CLIP1: variants seen among roughly 807,000 people sequenced by gnomAD.
CLIP1 encodes CAP-Gly domain containing linker protein 1.
In CLIP1, 66 loss-of-function variants were observed where a neutral mutation model predicts 161.6. The ratio of observed to expected loss-of-function variants is 0.41; its 90% CI spans 0.33 to 0.50. CLIP1 has a LOEUF of 0.50. CLIP1 is among the 20% of genes least tolerant of loss of function. CLIP1 has a pLI of 0.27. For missense variants in CLIP1, 1,376 were observed against 1,702.0 expected, an observed-to-expected ratio of 0.81 and a Z score of 3.37; for synonymous variants, 598 against 626.2, an observed-to-expected ratio of 0.96 and a Z score of 0.67.
At chr12:122,376,654 T>C (rs1954750642) in intron 3 of CLIP1, among the ~76,000 whole-genome samples, 1 of 151,356 alleles carries the variant, frequency 6.6e-6, no homozygotes, top group Non-Finnish European at 1.5e-5. Flanking sequence ...ATTTTTTTAG[T>C]AGAGATGGGG....
intron 20 of CLIP1, among the ~76,000 whole-genome samples, chr12:122,297,619 C>T (rs1021683350): frequency 6.6e-6 from 1 of 152,196 alleles, no homozygotes; most frequent in Non-Finnish European, 1.5e-5. Context: ...AATAGCAGCT[C>T]TACCTTGACA....
intron 17 of CLIP1, among the ~76,000 whole-genome samples, chr12:122,320,364 G>C (rs1194854764): frequency 1.3e-5 from 2 of 152,026 alleles, no homozygotes; most frequent in African/African-American, 4.8e-5. Flanking sequence ...GCTACTCAGG[G>C]AGCTGAGACG....
At chr12:122,382,526 G>A (rs1955055553) in intron 1 of CLIP1, among the ~76,000 whole-genome samples, 2 of 151,192 alleles carry the variant, frequency 1.3e-5, no homozygotes, top group South Asian at 2.1e-4. Flanking sequence ...AAAAAGATGA[G>A]AACACATAGA....
chr12:122,283,859 C>A (rs779499883), intron 21 of CLIP1, among the ~76,000 whole-genome samples: 3 of 152,136 alleles, frequency 2.0e-5, no homozygotes, highest in African/African-American at 7.2e-5. Context: ...TAACTATGTA[C>A]GTTTAATGAT....
intron 3 of CLIP1, among the ~76,000 whole-genome samples, chr12:122,374,792 A>C (rs969180249): frequency 2.6e-5 from 4 of 152,040 alleles, no homozygotes; most frequent in African/African-American, 4.8e-5. Flanking sequence ...GTTGAGAACA[A>C]GAAAATTCTA....
At position 122,334,069 on chromosome 12, in the gene CLIP1, T is replaced by G; in HGVS notation, c.2668A>C (p.Met890Leu). ...AGCTTCTCCAAGTCAGAAGACAGCA[T>G]GTTAAACTGTTCCTCCTTTTGGTGT... Reference protein sequence around the residue: ...KLHQKEEQFNMLSSDLEKLRE... With the variant: ...KLHQKEEQFNLLSSDLEKLRE... The change falls in exon 14 of 26, where the codon ATG (methionine) becomes CTG (leucine). Residue 890 changes from methionine (M) to leucine (L), a missense_variant. This residue lies in a region of CLIP1 where 948 missense variants were observed against 1,134.8 expected (regional missense o/e 0.84). Coordinates refer to ENST00000620786, the MANE Select transcript of CLIP1 (RefSeq NM_001247997.2). 8 of 1,613,326 alleles carry G rather than the reference T, an allele frequency of 5.0e-6. No individual in the cohort carries two copies. Among genetic ancestry groups the G allele is most frequent in the Non-Finnish European group, 5.9e-6 (7 of 1,179,228 alleles).
rs1951391257 is a variant in CLIP1, at chr12:122,319,320, T to C, written c.3278A>G (p.Gln1093Arg). The change falls in exon 18 of 26, where the codon CAG becomes CGG. Residue 1093 changes from glutamine (Q) to arginine (R), a missense_variant. By Grantham distance (43) the Gln-to-Arg change is conservative (BLOSUM62 1). Around this residue, in one of 6 missense-constraint regions of CLIP1, gnomAD observed 948 missense variants for 1,134.8 expected, o/e 0.84. Coordinates refer to ENST00000620786, the MANE Select transcript of CLIP1 (RefSeq NM_001247997.2). Reference protein sequence around the residue: ...KAAQTAEDAMQIMEQMTKEKT... With the variant: ...KAAQTAEDAMRIMEQMTKEKT... ...CTCTTTGGTCATCTGTTCCATTATCTGCATGGCATCTTCCGCTGTTTGAGC... is the reference window on the plus strand; with the variant it reads ...CTCTTTGGTCATCTGTTCCATTATCCGCATGGCATCTTCCGCTGTTTGAGC... 6.2e-7 allele frequency: 1 copy of C among 1,613,972 alleles called. No individual in the cohort carries two copies. Among genetic ancestry groups the C allele is most frequent in the South Asian group, 1.1e-5 (1 of 91,090 alleles).
chr12:122,373,355 A>G (rs1279348117), intron 3 of CLIP1, among the ~76,000 whole-genome samples: 1 of 151,892 alleles, frequency 6.6e-6, no homozygotes, highest in Non-Finnish European at 1.5e-5. Context: ...CCCGGCAGGC[A>G]GAGGTTGCAG....
Position 122,361,122 on chromosome 12 carries a change from A to G in CLIP1, c.842T>C (p.Ile281Thr), listed in dbSNP as rs1322749098. 1 of 1,614,122 alleles carries G rather than the reference A, an allele frequency of 6.2e-7. No homozygotes were observed. The highest frequency in any genetic ancestry group is 1.3e-5 in the African/African-American group (1 of 74,954). ...GGCTGGTGTAGTGGAAGGGAAGCCA[A>G]TCTTGGTAACTTTGTGGACAGGAGC... The part of the protein sequence containing the change: ...LFAPVHKVTK[I>T]GFPSTTPAKA... Residue 281 changes from isoleucine to threonine, a missense_variant, in exon 5 of 26, where the codon ATT becomes ACT. Around this residue, in one of 6 missense-constraint regions of CLIP1, gnomAD observed 211 missense variants for 295.1 expected, o/e 0.72. Coordinates refer to ENST00000620786, the MANE Select transcript of CLIP1 (RefSeq NM_001247997.2).
chr12:122,301,582 G>A (rs1303049217), intron 20 of CLIP1, among the ~76,000 whole-genome samples: 2 of 152,172 alleles, frequency 1.3e-5, no homozygotes, highest in Non-Finnish European at 2.9e-5. Context: ...GCTGAGGCAG[G>A]AGAATCACTT....
chr12:122,406,153 A>C (rs980502088), intron 1 of CLIP1, among the ~76,000 whole-genome samples: 1 of 152,176 alleles, frequency 6.6e-6, no homozygotes, highest in Non-Finnish European at 1.5e-5. Flanking sequence ...TTTATTTAAA[A>C]GGTCAATGCC....
rs74463805 is a variant in CLIP1 at position 122,378,480 on chromosome 12, C to T, written c.86-520G>A. On this transcript the variant is annotated intron_variant, in intron 2 of 25. Transcript: ENST00000620786. Reference sequence around the variant, plus strand: ...TACCATCTTCAATGCTGCTAAACTCCGCAAACTGGTAGTTGAGGTTTATTC... The same window carrying T: ...TACCATCTTCAATGCTGCTAAACTCTGCAAACTGGTAGTTGAGGTTTATTC... Among the ~76,000 whole-genome samples, 275 of 152,228 alleles carry T rather than the reference C, an allele frequency of 1.8e-3. 1 individual carries two copies. Among genetic ancestry groups the T allele is most frequent in the African/African-American group, 6.4e-3 (266 of 41,534 alleles).
chr12:122,372,902 A>C (rs1954525851), intron 3 of CLIP1, among the ~76,000 whole-genome samples: 1 of 152,184 alleles, frequency 6.6e-6, no homozygotes, highest in Admixed American at 6.5e-5. Flanking sequence ...ACAATGAAGA[A>C]ACACTCAATG....
chr12:122,387,614 T>G (rs1417557177), intron 1 of CLIP1, among the ~76,000 whole-genome samples: 4 of 120,222 alleles, frequency 3.3e-5, no homozygotes, highest in Admixed American at 2.1e-4. Flanking sequence ...TTTTTTTTTT[T>G]TTAGAAACAA....
At chr12:122,302,994 T>C (rs998331490) in intron 20 of CLIP1, among the ~76,000 whole-genome samples, 1 of 152,032 alleles carries the variant, frequency 6.6e-6, no homozygotes, top group African/African-American at 2.4e-5. Flanking sequence ...GCCTCCCAAA[T>C]TGCTGGGATT....
Position 122,387,547 on chromosome 12 carries a change from CATATATATATATATATAT to C in CLIP1, c.-106-7007_-106-6990del, listed in dbSNP as rs773688335. 6.7e-3 allele frequency among the ~76,000 whole-genome samples: 272 copies of C among 40,320 alleles called. 7 individuals carry two copies. Among genetic ancestry groups the C allele is most frequent in the African/African-American group, 0.016 (246 of 15,244 alleles). The allele number at this position is 40,320 out of a possible 152,430, so 26.5% of individuals were successfully genotyped here. ...TTCAACCCTTGAATACATGCCTTTT[CATATATATATATATATAT>C]ATATATATATATATATATATATATA... On this transcript the variant is annotated intron_variant, in intron 1 of 25. Coordinates refer to ENST00000620786, the MANE Select transcript of CLIP1 (RefSeq NM_001247997.2).
intron 15 of CLIP1, among the ~76,000 whole-genome samples, chr12:122,330,756 C>T (rs183854401): frequency 2.0e-5 from 3 of 146,658 alleles, no homozygotes; most frequent in Non-Finnish European, 3.0e-5. Context: ...CCTGCCACCA[C>T]GCTCAGCTCA....
chr12:122,411,058 A>G (rs951979997), intron 1 of CLIP1, among the ~76,000 whole-genome samples: 6 of 152,208 alleles, frequency 3.9e-5, no homozygotes, highest in Non-Finnish European at 8.8e-5. Flanking sequence ...CATATGACCC[A>G]GCAATTCTAT....
At chr12:122,400,298 G>C (rs1956097740) in intron 1 of CLIP1, 1 of 151,330 alleles carries the variant, frequency 6.6e-6, no homozygotes, top group African/African-American at 2.4e-5. Flanking sequence ...CAATTCTTGA[G>C]TAAAACAAAA....
Sources: allele counts gnomAD v4.1 joint callset (sites outside exome capture counted in the v4.1 genomes callset), GRCh38; gene constraint gnomAD v4.1.1; regional missense constraint gnomAD v4.1.1; transcripts MANE v1.5; gene names NCBI Gene and HGNC (gene_info 2026-07-23, HGNC 2026-07-21).